PITPNM3: variants seen among roughly 807,000 people sequenced by gnomAD.
PITPNM3 encodes membrane-associated phosphatidylinositol transfer protein 3.
A neutral mutation model predicts 102.0 loss-of-function variants in PITPNM3; 26 were observed. The ratio of observed to expected loss-of-function variants is 0.25; its 90% confidence interval spans 0.19 to 0.35. The LOEUF is 0.35. PITPNM3 is among the 10% of genes least tolerant of loss of function. The pLI is 1.00. For synonymous variants in PITPNM3, 578 were observed against 558.6 expected, an observed-to-expected ratio of 1.03 and a Z score of -0.49; for missense variants, 1,083 against 1,346.1, an observed-to-expected ratio of 0.80 and a Z score of 3.06.
intron 4 of PITPNM3, among the ~76,000 whole-genome samples, chr17:6,494,938 CA>C (rs1382056045): frequency 6.6e-6 from 1 of 151,750 alleles, no homozygotes; most frequent in Non-Finnish European, 1.5e-5. Context: ...ATGCCCATTG[CA>C]AAAAACAACT....
chr17:6,553,093 T>C (rs888064541), intron 1 of PITPNM3, among the ~76,000 whole-genome samples: 1 of 152,102 alleles, frequency 6.6e-6, no homozygotes, highest in African/African-American at 2.4e-5. Context: ...CTATACAAAC[T>C]GTGCCAGCCT....
chr17:6,533,181 C>T (rs1023025699), intron 2 of PITPNM3, among the ~76,000 whole-genome samples: 12 of 152,128 alleles, frequency 7.9e-5, no homozygotes, highest in Admixed American at 1.3e-4. Context: ...AGGCTGGTCT[C>T]GAACTCCTGA....
intron 1 of PITPNM3, among the ~76,000 whole-genome samples, chr17:6,542,279 A>T (rs1266272853): frequency 1.3e-5 from 2 of 152,202 alleles, no homozygotes; most frequent in Non-Finnish European, 2.9e-5. Context: ...GGATGTCTAC[A>T]TTCCTGCGTA....
rs1234261305 is a variant in PITPNM3, at chr17:6,459,030, C to G, written c.2491-1308G>C. Reference sequence around the variant, plus strand: ...ACCTCAATGGTTGGTTTATTCCCAACTGGCCTTTGGCTCAGAGGATGGAGC... The same window carrying G: ...ACCTCAATGGTTGGTTTATTCCCAAGTGGCCTTTGGCTCAGAGGATGGAGC... On this transcript the variant is annotated intron_variant, in intron 18 of 19. Transcript: ENST00000262483. This position sits in a 1 kb window ranked among gnomAD's most constrained non-coding sequence, Gnocchi z 5.0. 6.6e-6 allele frequency among the ~76,000 whole-genome samples: 1 copy of G among 152,194 alleles called. No individual in the cohort carries two copies. Among genetic ancestry groups the G allele is most frequent in the Non-Finnish European group, 1.5e-5 (1 of 68,040 alleles).
intron 1 of PITPNM3, among the ~76,000 whole-genome samples, chr17:6,551,691 C>T (rs544793233): frequency 3.3e-5 from 5 of 151,488 alleles, no homozygotes; most frequent in Admixed American, 2.0e-4. Flanking sequence ...GCCTGGGCAA[C>T]GTAATGAGAC....
rs1202004599 is a variant in PITPNM3, at chr17:6,452,747, A to T, written c.*2591T>A. The T allele has an allele frequency of 1.3e-5, 2 of 152,100 alleles. No homozygotes were observed. Among genetic ancestry groups the T allele is most frequent in the East Asian group, 3.9e-4 (2 of 5,194 alleles). The allele number at this position is 152,100 out of a possible 1,614,324, so 9.4% of individuals were successfully genotyped here. A position where few individuals can be genotyped will look rare whatever the true frequency, so the allele number is the denominator to read the frequency against. On this transcript the variant is annotated 3_prime_UTR_variant, in exon 20 of 20. Transcript: ENST00000262483. ...TGTTGCGTTCACAATATCTCACCGTACACCATCAGCATCTTGTGTGTGCAT... is the reference window on the plus strand; with the variant it reads ...TGTTGCGTTCACAATATCTCACCGTTCACCATCAGCATCTTGTGTGTGCAT...
chr17:6,472,631 ACT>A lies in PITPNM3; in HGVS notation c.1429+24_1429+25del, dbSNP rs761959051. ...TGGGGCCCCACCTCCAGCTCAGCAC[ACT>A]CTCTCCCACCCCCAAGAACCTACCG... On this transcript the variant is annotated intron_variant, in intron 11 of 19. Coordinates refer to ENST00000262483, the MANE Select transcript of PITPNM3 (RefSeq NM_031220.4). The surrounding 1 kb of genome is among the most constrained non-coding windows in gnomAD (Gnocchi z 4.1). The A allele has an allele frequency of 3.7e-6, 6 of 1,605,528 alleles. No homozygotes were observed. The highest frequency in any genetic ancestry group is 2.2e-5 in the East Asian group (1 of 44,486).
chr17:6,493,005 A>G (rs978295001), intron 4 of PITPNM3, among the ~76,000 whole-genome samples: 7 of 152,090 alleles, frequency 4.6e-5, no homozygotes, highest in Non-Finnish European at 8.8e-5. Context: ...ACCAAGACCA[A>G]TCAGACACAG....
At chr17:6,519,703 G>A (rs372502091) in intron 3 of PITPNM3, among the ~76,000 whole-genome samples, 19 of 151,776 alleles carry the variant, frequency 1.3e-4, no homozygotes, top group African/African-American at 3.9e-4. Context: ...GGTGGCGGGC[G>A]CCTGTAATCC....
intron 1 of PITPNM3, among the ~76,000 whole-genome samples, chr17:6,552,391 C>T (rs1481643599): frequency 6.6e-6 from 1 of 152,090 alleles, no homozygotes; most frequent in Admixed American, 6.5e-5. Context: ...GGGAGGTAGA[C>T]AGGAAGGGAG....
chr17:6,535,828 C>T (rs923411222), intron 2 of PITPNM3, among the ~76,000 whole-genome samples: 4 of 151,640 alleles, frequency 2.6e-5, no homozygotes, highest in Non-Finnish European at 5.9e-5. Context: ...GAGGCCAAGA[C>T]GGGCAGATCA....
chr17:6,473,848 G>A (rs923086197), intron 10 of PITPNM3, among the ~76,000 whole-genome samples: 1 of 151,936 alleles, frequency 6.6e-6, no homozygotes, highest in Non-Finnish European at 1.5e-5. Context: ...GTCATGGTGG[G>A]TGCCTGTACT....
At chr17:6,481,388 C>T (rs1224767651) in intron 6 of PITPNM3, 2 of 154,162 alleles carry the variant, frequency 1.3e-5, no homozygotes, top group Non-Finnish European at 2.9e-5. Flanking sequence ...ATTCCCAAGG[C>T]TGGCATCCCT....
chr17:6,463,190 A>G (rs1904559429), intron 17 of PITPNM3, among the ~76,000 whole-genome samples: 1 of 152,084 alleles, frequency 6.6e-6, no homozygotes, highest in Non-Finnish European at 1.5e-5. Context: ...TACTGGGGTG[A>G]GGCAGGGCAG....
At chr17:6,515,369 G>A (rs1462525299) in intron 3 of PITPNM3, among the ~76,000 whole-genome samples, 4 of 134,178 alleles carry the variant, frequency 3.0e-5, no homozygotes, top group Admixed American at 2.6e-4. Context: ...TTGCACTCCA[G>A]CCCGGGCAAC....
chr17:6,522,997 G>A (rs569472607), intron 3 of PITPNM3, among the ~76,000 whole-genome samples: 2 of 152,134 alleles, frequency 1.3e-5, no homozygotes, highest in African/African-American at 4.8e-5. Context: ...TCATGTTGTG[G>A]GAATTCACAT....
rs1399219714 is a variant in PITPNM3 at position 6,475,206 on chromosome 17, C to T, written c.1086-602G>A. On this transcript the variant is annotated intron_variant, in intron 9 of 19. Coordinates refer to ENST00000262483, the MANE Select transcript of PITPNM3 (RefSeq NM_031220.4). ...AGATGCAAACAGCTTGGTCTCCCCACCCCCAGCCCCAGCCCACAGATGAAG... is the reference window on the plus strand; with the variant it reads ...AGATGCAAACAGCTTGGTCTCCCCATCCCCAGCCCCAGCCCACAGATGAAG... Among the ~76,000 whole-genome samples the T allele has an allele frequency of 3.3e-5, 5 of 152,166 alleles. No homozygotes were observed. In the East Asian group the frequency reaches 5.8e-4, roughly 18 times the overall value.
chr17:6,523,605 A>G (rs568372850), intron 3 of PITPNM3, among the ~76,000 whole-genome samples: 14 of 152,310 alleles, frequency 9.2e-5, no homozygotes, highest in Non-Finnish European at 8.8e-5. Context: ...GGGATGGCCA[A>G]ATGGATGGTA....
Position 6,459,587 on chromosome 17 carries a change from C to T in PITPNM3, c.2490+1786G>A, listed in dbSNP as rs1447525709. The stretch of plus-strand genomic sequence containing the variant: ...GACATGTCCACAGCTGAGCTCATCT[C>T]CCTCCAGCCTGGTCCTCCTCTCATG... On this transcript the variant is annotated intron_variant, in intron 18 of 19. Transcript: ENST00000262483. This position sits in a 1 kb window ranked among gnomAD's most constrained non-coding sequence, Gnocchi z 5.0. Among the ~76,000 whole-genome samples the T allele has an allele frequency of 6.6e-6, 1 of 152,206 alleles. No homozygotes were observed. The highest frequency in any genetic ancestry group is 1.5e-5 in the Non-Finnish European group (1 of 68,044).
Sources: gnomAD v4.1 joint callset for allele counts (sites outside exome capture counted in the v4.1 genomes callset) on GRCh38, gnomAD v4.1.1 for gene constraint, Gnocchi (gnomAD v3.1) non-coding constraint, MANE v1.5 for transcripts, NCBI Gene and HGNC (gene_info 2026-07-23, HGNC 2026-07-21) for gene names.